Variants in GALNT13 observed in about 807,000 individuals in gnomAD.
GALNT13 encodes polypeptide N-acetylgalactosaminyltransferase 13.
In GALNT13, 28 loss-of-function variants were observed where a neutral mutation model predicts 64.2. That is an observed-to-expected ratio of 0.44 (90% confidence interval 0.32 to 0.60). The LOEUF (loss-of-function observed/expected upper bound fraction) is 0.60, where lower values mean the gene tolerates loss of function less well. GALNT13 is among the 20% of genes least tolerant of loss of function. The probability of loss-of-function intolerance (pLI) is 0.05; values close to 1 mark genes in which losing one functional copy is unlikely to be tolerated. For missense variants in GALNT13, 577 were observed against 669.8 expected (o/e 0.86, Z 1.53); for synonymous variants, 214 against 224.6 (o/e 0.95, Z 0.42).
intron 11 of GALNT13, among the ~76,000 whole-genome samples, chr2:154,435,193 G>T (rs1164437824): frequency 6.6e-6 from 1 of 152,204 alleles, no homozygotes; most frequent in African/African-American, 2.4e-5. Flanking sequence ...CAATTTGAGA[G>T]ATAATTAGAA....
the GALNT13 span, among the ~76,000 whole-genome samples, chr2:153,186,871 T>A: frequency 6.6e-6 from 1 of 152,286 alleles, no homozygotes; most frequent in Admixed American, 6.5e-5. Context: ...CAGCCTTTGG[T>A]GAGTTTTTGT....
At chr2:153,507,440 A>C in the GALNT13 span, among the ~76,000 whole-genome samples, 1 of 151,808 alleles carries the variant, frequency 6.6e-6, no homozygotes, top group Admixed American at 6.6e-5. Flanking sequence ...GCCACGATGC[A>C]CAGCTAAGTT....
At chr2:153,629,249 A>G in the GALNT13 span, among the ~76,000 whole-genome samples, 1 of 151,214 alleles carries the variant, frequency 6.6e-6, no homozygotes, top group Non-Finnish European at 1.5e-5. Flanking sequence ...TTCAGACTAT[A>G]CTACAAGGCT....
the GALNT13 span, among the ~76,000 whole-genome samples, chr2:153,499,037 C>T: frequency 1.3e-5 from 2 of 152,094 alleles, no homozygotes; most frequent in Non-Finnish European, 2.9e-5. Context: ...TTAGTAGAGA[C>T]GGGTTTCACC....
chr2:153,340,746 T>C, the GALNT13 span, among the ~76,000 whole-genome samples: 1 of 152,118 alleles, frequency 6.6e-6, no homozygotes, highest in African/African-American at 2.4e-5. Flanking sequence ...AATATGAACA[T>C]TGAGATCTAG....
chr2:154,044,127 G>A (rs1699161115), intron 3 of GALNT13, among the ~76,000 whole-genome samples: 1 of 151,938 alleles, frequency 6.6e-6, no homozygotes, highest in Non-Finnish European at 1.5e-5. Context: ...AGTAAATATA[G>A]AAGGCTTTGT....
the GALNT13 span, among the ~76,000 whole-genome samples, chr2:153,427,513 TG>T: frequency 6.6e-6 from 1 of 151,684 alleles, no homozygotes; most frequent in Non-Finnish European, 1.5e-5. Context: ...CAAAGAAAGA[TG>T]GGGGAGAAAA....
intron 3 of GALNT13, among the ~76,000 whole-genome samples, chr2:154,079,242 ATAAAATTTACAAAT>A (rs1349303178): frequency 4.0e-5 from 6 of 151,658 alleles, no homozygotes; most frequent in Non-Finnish European, 8.9e-5. Flanking sequence ...AATTAGTGAG[ATAAAATTTACAAAT>A]GGTATGGGAT....
chr2:153,682,242 A>G, the GALNT13 span, among the ~76,000 whole-genome samples: 2 of 151,046 alleles, frequency 1.3e-5, no homozygotes, highest in Non-Finnish European at 3.0e-5. Context: ...AAGGGTTACA[A>G]CTCCCTTTTT....
chr2:153,544,757 C>T, the GALNT13 span, among the ~76,000 whole-genome samples: 1 of 152,152 alleles, frequency 6.6e-6, no homozygotes, highest in African/African-American at 2.4e-5. Context: ...ATGTTTTAAT[C>T]ATGGTAGAGA....
At chr2:153,888,642 C>T (rs575445975) in intron 1 of GALNT13, among the ~76,000 whole-genome samples, 1 of 151,946 alleles carries the variant, frequency 6.6e-6, no homozygotes, top group Non-Finnish European at 1.5e-5. Context: ...AATTTTGTTA[C>T]AAGCTTCAAT....
chr2:153,202,610 C>A, the GALNT13 span, among the ~76,000 whole-genome samples: 167 of 152,268 alleles, frequency 1.1e-3, no homozygotes, highest in African/African-American at 3.9e-3. Flanking sequence ...GGCAATTTGG[C>A]TTTCACAAAT....
chr2:153,442,908 G>C, the GALNT13 span, among the ~76,000 whole-genome samples: 11 of 152,156 alleles, frequency 7.2e-5, no homozygotes, highest in African/African-American at 2.4e-4. Context: ...TACCAAGCTC[G>C]AGTGTCCCTG....
chr2:153,829,426 A>G, the GALNT13 span, among the ~76,000 whole-genome samples: 4 of 151,704 alleles, frequency 2.6e-5, no homozygotes, highest in Non-Finnish European at 5.9e-5. Flanking sequence ...GCAGCAGGCA[A>G]AGAGAGAGAG....
the GALNT13 span, among the ~76,000 whole-genome samples, chr2:153,076,565 A>T: frequency 6.6e-6 from 1 of 152,074 alleles, no homozygotes; most frequent in African/African-American, 2.4e-5. Flanking sequence ...GAGTACTTTT[A>T]TGATATAATT....
the GALNT13 span, among the ~76,000 whole-genome samples, chr2:153,835,202 G>GA: frequency 1.3e-5 from 2 of 151,894 alleles, no homozygotes; most frequent in Non-Finnish European, 2.9e-5. Flanking sequence ...ATACTTAAAA[G>GA]AACCTGAACC....
chr2:153,608,501 A>G, the GALNT13 span, among the ~76,000 whole-genome samples: 1 of 151,874 alleles, frequency 6.6e-6, no homozygotes, highest in African/African-American at 2.4e-5. Flanking sequence ...CTAAGATAGC[A>G]TGAGTATCCA....
intron 10 of GALNT13, among the ~76,000 whole-genome samples, chr2:154,397,327 T>C (rs1317375100): frequency 2.6e-5 from 4 of 151,984 alleles, no homozygotes; most frequent in Non-Finnish European, 4.4e-5. Flanking sequence ...TAGTCCCAGC[T>C]ACTCGGGAGG....
chr2:153,463,567 A>G, the GALNT13 span, among the ~76,000 whole-genome samples: 1 of 152,182 alleles, frequency 6.6e-6, no homozygotes, highest in East Asian at 1.9e-4. Context: ...TTTGCTTTCC[A>G]TTCATAGTAG....
Sources: gnomAD v4.1 joint callset for allele counts (sites outside exome capture counted in the v4.1 genomes callset) on GRCh38, gnomAD v4.1.1 for gene constraint, MANE v1.5 for transcripts, NCBI Gene and HGNC (gene_info 2026-07-23, HGNC 2026-07-21) for gene names.